Variants in UNC79 observed in about 807,000 individuals in gnomAD.
UNC79 encodes the protein protein unc-79 homolog.
In UNC79, 37 loss-of-function variants were observed where a neutral mutation model predicts 283.1. The ratio of observed to expected loss-of-function variants is 0.13; its 90% CI spans 0.10 to 0.17. The LOEUF (loss-of-function observed/expected upper bound fraction) is 0.17, where lower values mean the gene tolerates loss of function less well. UNC79 is among the 10% of genes least tolerant of loss of function. The probability of loss-of-function intolerance (pLI) is 1.00; values close to 1 mark genes in which losing one functional copy is unlikely to be tolerated. For missense variants in UNC79, 2,272 were observed against 3,211.1 expected, an observed-to-expected ratio of 0.71 and a Z score of 7.07; for synonymous variants, 1,107 against 1,200.2, an observed-to-expected ratio of 0.92 and a Z score of 1.61.
intron 44 of UNC79, chr14:93,689,470 T>G (rs569402046): frequency 6.6e-6 from 1 of 151,288 alleles, no homozygotes; most frequent in Non-Finnish European, 1.5e-5. Context: ...CTACTGGGGA[T>G]GCCAGAGAAG....
intron 1 of UNC79, among the ~76,000 whole-genome samples, chr14:93,385,212 A>G (rs2054744937): frequency 1.3e-5 from 2 of 152,234 alleles, no homozygotes; most frequent in African/African-American, 2.4e-5. Flanking sequence ...GAAGACTATC[A>G]TTGGTATTTT....
At chr14:93,503,287 A>T (rs1423595026) in intron 7 of UNC79, among the ~76,000 whole-genome samples, 3 of 152,116 alleles carry the variant, frequency 2.0e-5, no homozygotes, top group African/African-American at 7.2e-5. Flanking sequence ...ACCATAGTTT[A>T]CCTATCCATT....
chr14:93,605,990 A>G (rs1429779290), intron 26 of UNC79, among the ~76,000 whole-genome samples: 2 of 152,244 alleles, frequency 1.3e-5, no homozygotes, highest in East Asian at 1.9e-4. Context: ...AAGAATAAAA[A>G]TAAGAACTTC....
chr14:93,579,302 G>A (rs2063647916), intron 18 of UNC79, among the ~76,000 whole-genome samples: 1 of 152,148 alleles, frequency 6.6e-6, no homozygotes, highest in Non-Finnish European at 1.5e-5. Flanking sequence ...TAACTAATAA[G>A]TAATTTGTAA....
At chr14:93,571,708 T>C (rs892871451) in intron 14 of UNC79, among the ~76,000 whole-genome samples, 186 bp from the exon 15 acceptor site, 1 of 152,256 alleles carries the variant, frequency 6.6e-6, no homozygotes, top group Admixed American at 6.5e-5. Context: ...TTTTCCTTTC[T>C]GTAACTGATG....
chr14:93,527,146 G>T (rs946876826), intron 8 of UNC79, among the ~76,000 whole-genome samples: 1 of 152,190 alleles, frequency 6.6e-6, no homozygotes, highest in Non-Finnish European at 1.5e-5. Flanking sequence ...GATTTTACCT[G>T]GTTCTACTTG....
intron 4 of UNC79, 59 bp from the exon 5 acceptor site, chr14:93,487,604 A>T (rs1469026102): frequency 7.0e-7 from 1 of 1,423,034 alleles, no homozygotes; most frequent in Non-Finnish European, 9.8e-7. Flanking sequence ...TGCTCTGTGC[A>T]AAGTAACAGG....
intron 1 of UNC79, among the ~76,000 whole-genome samples, chr14:93,403,896 G>T (rs1388623422): frequency 6.7e-6 from 1 of 149,806 alleles, no homozygotes; most frequent in African/African-American, 2.5e-5. Flanking sequence ...TTGAGATGGA[G>T]TGAGCTAGAC....
chr14:93,536,931 G>A (rs1378823098), intron 11 of UNC79, among the ~76,000 whole-genome samples: 1 of 151,820 alleles, frequency 6.6e-6, no homozygotes, highest in Non-Finnish European at 1.5e-5. Context: ...CCCTGGATTT[G>A]ATGTTTGCCT....
rs2055840799 is a variant in UNC79, at chr14:93,430,679, C to A, written c.-351C>A. 1.8e-5 allele frequency: 4 copies of A among 228,058 alleles called. No homozygotes were observed. The highest frequency in any genetic ancestry group is 3.6e-5 in the Non-Finnish European group (4 of 112,162). The allele number at this position is 228,058 out of a possible 1,614,324, so 14.1% of individuals were successfully genotyped here. On this transcript the variant is annotated 5_prime_UTR_variant, in exon 1 of 49. Transcript: ENST00000555664. This position sits in a 1 kb window ranked among gnomAD's most constrained non-coding sequence, Gnocchi z 4.6. ...CCTTATGAATGGAAATACTCCTCCC[C>A]CGGTCGAGCCCATTTTCCCATTTCA... is the stretch of plus-strand genomic sequence containing the variant.
intron 1 of UNC79, among the ~76,000 whole-genome samples, chr14:93,368,691 C>T (rs2054383151): frequency 6.6e-6 from 1 of 152,060 alleles, no homozygotes; most frequent in South Asian, 2.1e-4. Context: ...ATGCTGGTCT[C>T]AAACTCCTGG....
intron 14 of UNC79, among the ~76,000 whole-genome samples, chr14:93,544,997 G>A (rs893228094): frequency 1.3e-5 from 2 of 152,064 alleles, no homozygotes; most frequent in African/African-American, 4.8e-5. Context: ...TTTGTAACAA[G>A]ATAACCCAGA....
intron 47 of UNC79, 95 bp from the exon 51 acceptor site, chr14:93,704,530 G>T: frequency 7.2e-7 from 1 of 1,395,422 alleles, no homozygotes; most frequent in South Asian, 1.2e-5. Flanking sequence ...CGACGTGAAA[G>T]GGATTCAATG....
rs926450164 is a variant in UNC79, at chr14:93,467,699, A to G, written c.51A>G (p.Glu17=). Residue 17 remains glutamate, a synonymous_variant, in exon 2 of 49, where the codon GAA becomes GAG. Coordinates refer to ENST00000555664, the Ensembl canonical transcript of UNC79. ...CTTCCAAGATCCGGTACTTGCAGGA[A>G]TATCATAACCGGGTTCTCCACAACA... The G allele has an allele frequency of 1.6e-5, 21 of 1,273,602 alleles. No homozygotes were observed. The East Asian group carries it at 2.6e-4, about 16-fold the overall frequency. The allele number at this position is 1,273,602 out of a possible 1,614,324, so 78.9% of individuals were successfully genotyped here.
At chr14:93,353,226 C>T (rs2054014372) in intron 1 of UNC79, among the ~76,000 whole-genome samples, 1 of 152,054 alleles carries the variant, frequency 6.6e-6, no homozygotes, top group Admixed American at 6.6e-5. Context: ...TTTTTTGAGA[C>T]AGTATCTCAC....
chr14:93,536,602 C>T (rs1379779032), intron 11 of UNC79, among the ~76,000 whole-genome samples: 2 of 152,060 alleles, frequency 1.3e-5, no homozygotes, highest in African/African-American at 4.8e-5. Flanking sequence ...TATAAACCTG[C>T]TTCATTAAAC....
intron 46 of UNC79, among the ~76,000 whole-genome samples, chr14:93,693,144 T>C (rs561841462): frequency 6.6e-6 from 1 of 152,240 alleles, no homozygotes; most frequent in Non-Finnish European, 1.5e-5. Flanking sequence ...ATACAGGCAA[T>C]TCTATGTGTA....
intron 1 of UNC79, among the ~76,000 whole-genome samples, chr14:93,375,633 T>C (rs2054540052): frequency 6.6e-6 from 1 of 151,968 alleles, no homozygotes; most frequent in African/African-American, 2.4e-5. Flanking sequence ...AAACTTCCAG[T>C]CATGGTGGAA....
intron 47 of UNC79, among the ~76,000 whole-genome samples, chr14:93,703,971 C>T (rs1446254489): frequency 2.0e-5 from 3 of 152,194 alleles, no homozygotes; most frequent in Non-Finnish European, 4.4e-5. Flanking sequence ...GGAGCAGCTT[C>T]TGGAGGTCCT....
Sources: gnomAD v4.1 joint callset for allele counts (sites outside exome capture counted in the v4.1 genomes callset) on GRCh38, gnomAD v4.1.1 for gene constraint, Gnocchi (gnomAD v3.1) non-coding constraint, MANE v1.5 for transcripts, NCBI Gene and HGNC (gene_info 2026-07-23, HGNC 2026-07-21) for gene names.